SYNPR: variants seen among roughly 807,000 people sequenced by gnomAD.
The protein encoded by SYNPR is synaptoporin.
A neutral mutation model predicts 32.9 loss-of-function variants in SYNPR; 23 were observed. The observed-to-expected ratio is 0.70, with a 90% CI of 0.50 to 0.99. The LOEUF (loss-of-function observed/expected upper bound fraction) is 0.99, where lower values mean the gene tolerates loss of function less well. SYNPR is among the 50% of genes least tolerant of loss of function. The pLI, the probability that SYNPR is intolerant of heterozygous loss-of-function variation, is 0.00. For synonymous variants in SYNPR, 146 were observed against 135.9 expected (o/e 1.07, Z -0.52); for missense variants, 318 against 349.3 (o/e 0.91, Z 0.71).
At chr3:63,385,636 C>T (rs1017630496) in intron 2 of SYNPR, among the ~76,000 whole-genome samples, 1 of 152,204 alleles carries the variant, frequency 6.6e-6, no homozygotes, top group Non-Finnish European at 1.5e-5. Context: ...ATTAATAGCA[C>T]CTCTAGCTGT....
At chr3:63,554,846 C>T (rs1702567183) in intron 3 of SYNPR, among the ~76,000 whole-genome samples, 2 of 152,064 alleles carry the variant, frequency 1.3e-5, no homozygotes, top group South Asian at 2.1e-4. Context: ...AATCCATGAA[C>T]ATGGAAAGTA....
intron 2 of SYNPR, among the ~76,000 whole-genome samples, chr3:63,421,349 C>A (rs1699795076): frequency 6.6e-6 from 1 of 151,152 alleles, no homozygotes. Flanking sequence ...AAACTGGAAA[C>A]CACCAACTGT....
chr3:63,253,026 G>A (rs1433096959), intron 2 of SYNPR, among the ~76,000 whole-genome samples: 4 of 140,676 alleles, frequency 2.8e-5, no homozygotes, highest in African/African-American at 5.4e-5. Flanking sequence ...GTGACAGAGT[G>A]AGACTCTGTC....
chr3:63,419,254 G>A (rs1019815081), intron 2 of SYNPR, among the ~76,000 whole-genome samples: 1 of 152,168 alleles, frequency 6.6e-6, no homozygotes, highest in African/African-American at 2.4e-5. Context: ...GTCACTGTGT[G>A]AAGCCAGACT....
chr3:63,547,128 T>C (rs971451953), intron 3 of SYNPR, among the ~76,000 whole-genome samples: 8 of 152,178 alleles, frequency 5.3e-5, no homozygotes, highest in African/African-American at 1.9e-4. Flanking sequence ...TCGTTTTATA[T>C]TTCTGTTTGC....
At chr3:63,341,574 G>T (rs778287449) in intron 2 of SYNPR, among the ~76,000 whole-genome samples, 1 of 152,104 alleles carries the variant, frequency 6.6e-6, no homozygotes, top group Admixed American at 6.5e-5. Context: ...GTATCTCATT[G>T]CTCCTTTAGT....
intron 2 of SYNPR, among the ~76,000 whole-genome samples, chr3:63,260,688 A>C (rs1447407098): frequency 3.3e-5 from 5 of 152,260 alleles, no homozygotes; most frequent in African/African-American, 1.2e-4. Flanking sequence ...AAAACACCAA[A>C]AGCAATGGCA....
At chr3:63,355,811 A>G (rs541243402) in intron 2 of SYNPR, among the ~76,000 whole-genome samples, 8 of 152,056 alleles carry the variant, frequency 5.3e-5, no homozygotes, top group African/African-American at 1.7e-4. Context: ...ACTTTGACTC[A>G]TCCACCATGT....
chr3:63,342,859 T>C (rs915749269), intron 2 of SYNPR, among the ~76,000 whole-genome samples: 2 of 152,244 alleles, frequency 1.3e-5, no homozygotes, highest in African/African-American at 4.8e-5. Context: ...TTGTTTTAAA[T>C]GAATTGATCC....
At chr3:63,565,645 A>G (rs1343557312) in intron 4 of SYNPR, among the ~76,000 whole-genome samples, 1 of 152,116 alleles carries the variant, frequency 6.6e-6, no homozygotes. Context: ...AAATCCTAGC[A>G]TTCTGCCCAT....
intron 1 of SYNPR, among the ~76,000 whole-genome samples, chr3:63,245,680 TGAGAGAGAGA>T (rs71992869): frequency 2.2e-4 from 27 of 123,374 alleles, no homozygotes; most frequent in Middle Eastern, 4.6e-3. Context: ...CTTTGTCAAG[TGAGAGAGAGA>T]GAGAGAGAGA....
intron 4 of SYNPR, among the ~76,000 whole-genome samples, chr3:63,570,618 A>G (rs529019239): frequency 3.3e-5 from 5 of 152,100 alleles, no homozygotes; most frequent in Admixed American, 6.6e-5. Context: ...CCCATCTCAC[A>G]GGCTATCTGT....
chr3:63,348,614 C>A (rs1185599295), intron 2 of SYNPR, among the ~76,000 whole-genome samples: 3 of 152,086 alleles, frequency 2.0e-5, no homozygotes, highest in Non-Finnish European at 4.4e-5. Flanking sequence ...AGACCAATGG[C>A]CAGAAGAGCT....
At chr3:63,394,862 G>A (rs911190690) in intron 2 of SYNPR, among the ~76,000 whole-genome samples, 1 of 152,018 alleles carries the variant, frequency 6.6e-6, no homozygotes, top group African/African-American at 2.4e-5. Context: ...AACTACTAAA[G>A]GAATACTGAG....
intron 2 of SYNPR, among the ~76,000 whole-genome samples, chr3:63,322,252 A>C (rs949528349): frequency 3.3e-5 from 5 of 152,112 alleles, no homozygotes; most frequent in African/African-American, 1.2e-4. Flanking sequence ...CAATGTAGAT[A>C]CTGGAGAAAT....
intron 2 of SYNPR, among the ~76,000 whole-genome samples, chr3:63,479,685 C>T (rs1575666345): frequency 6.6e-6 from 1 of 152,178 alleles, no homozygotes. Context: ...CTTGCCAGCT[C>T]CAGCAGCCTT....
intron 3 of SYNPR, among the ~76,000 whole-genome samples, chr3:63,489,694 G>A (rs1489191513): frequency 6.6e-6 from 1 of 152,160 alleles, no homozygotes; most frequent in Non-Finnish European, 1.5e-5. Context: ...AGACAAAGAA[G>A]TGAGAAATAT....
At chr3:63,274,693 T>A (rs999945368), upstream of SYNPR, among the ~76,000 whole-genome samples, 1 of 152,206 alleles carries the variant, frequency 6.6e-6, no homozygotes, top group Non-Finnish European at 1.5e-5. Context: ...AGCCCTTACT[T>A]GCTGAAGTTT....
intron 3 of SYNPR, among the ~76,000 whole-genome samples, chr3:63,272,037 G>C (rs115476432): frequency 2.0e-5 from 3 of 152,070 alleles, no homozygotes; most frequent in Non-Finnish European, 2.9e-5. Flanking sequence ...GACAATAAAT[G>C]ACTTCTTAAA....
Sources: allele counts gnomAD v4.1 joint callset (sites outside exome capture counted in the v4.1 genomes callset), GRCh38; gene constraint gnomAD v4.1.1; transcripts MANE v1.5; gene names NCBI Gene and HGNC (gene_info 2026-07-23, HGNC 2026-07-21).